The following IGF2R variants were observed in gnomAD, a reference collection of about 807,000 sequenced individuals.
IGF2R encodes insulin like growth factor 2 receptor.
A neutral mutation model predicts 270.6 loss-of-function variants in IGF2R; 91 were observed. The observed-to-expected ratio is 0.34, with a 90% CI of 0.28 to 0.40. The LOEUF (loss-of-function observed/expected upper bound fraction) is 0.40, where lower values mean the gene tolerates loss of function less well. Ranked by LOEUF, IGF2R falls within the 10% of genes least tolerant of loss-of-function variation. The probability of loss-of-function intolerance (pLI) is 1.00; values close to 1 mark genes in which losing one functional copy is unlikely to be tolerated. For synonymous variants in IGF2R, 1,316 were observed against 1,258.9 expected (o/e 1.05, Z -0.96); for missense variants, 2,805 against 3,188.3 (o/e 0.88, Z 2.90).
In IGF2R at chr6:160,109,106, T is replaced by C. The variant is rs1310221035; in HGVS notation, c.*4022T>C. 5 of 152,342 alleles carry C rather than the reference T, an allele frequency of 3.3e-5. No homozygotes were observed. Among genetic ancestry groups the C allele is most frequent in the Admixed American group, 1.3e-4 (2 of 15,296 alleles). The allele number at this position is 152,342 out of a possible 1,614,324, so 9.4% of individuals were successfully genotyped here. On this transcript the variant is annotated 3_prime_UTR_variant, in exon 48 of 48. Coordinates refer to ENST00000356956, the MANE Select transcript of IGF2R (RefSeq NM_000876.4). ...GCAAAACAAATTGAATAAAAAGTAA[T>C]TGATAATGTTGTTTTGATGCTCAGT...
chr6:160,049,506 A>T (rs1352477131), intron 18 of IGF2R, among the ~76,000 whole-genome samples: 1 of 152,196 alleles, frequency 6.6e-6, no homozygotes, highest in African/African-American at 2.4e-5. Context: ...CAAAAGCTCC[A>T]GCCCTGGGGC....
Position 160,032,577 on chromosome 6 carries a change from A to G in IGF2R, c.909A>G (p.Lys303=), listed in dbSNP as rs1332895122. 2 of 1,613,962 alleles carry G rather than the reference A, an allele frequency of 1.2e-6. No individual in the cohort carries two copies. The highest frequency in any genetic ancestry group is 1.7e-6 in the Non-Finnish European group (2 of 1,180,006). Residue 303 remains lysine, a synonymous_variant, in exon 8 of 48, where the codon AAA becomes AAG. Transcript: ENST00000356956. ...REGTIPKLTA[K]SNCRYEIEWI... Reference sequence around the variant, plus strand: ...GCACCATTCCCAAACTCACAGCTAAATCCAACTGCCGCTATGAAATTGAGT... The same window carrying G: ...GCACCATTCCCAAACTCACAGCTAAGTCCAACTGCCGCTATGAAATTGAGT...
chr6:159,973,146 A>G (rs935191347), intron 1 of IGF2R, among the ~76,000 whole-genome samples: 1 of 152,104 alleles, frequency 6.6e-6, no homozygotes, highest in Non-Finnish European at 1.5e-5. Context: ...GCAAGAAGAG[A>G]GGGCATTCAG....
chr6:159,990,669 G>C (rs1455518196), intron 1 of IGF2R, among the ~76,000 whole-genome samples: 1 of 150,678 alleles, frequency 6.6e-6, no homozygotes, highest in Admixed American at 6.6e-5. Flanking sequence ...TCGCACTGTT[G>C]ACCGAGCTGG....
intron 11 of IGF2R, among the ~76,000 whole-genome samples, chr6:160,041,906 G>A (rs1777954827): frequency 1.3e-5 from 2 of 152,162 alleles, no homozygotes; most frequent in Admixed American, 6.5e-5. Flanking sequence ...TGGTGTTGCC[G>A]CATCCAACCA....
chr6:160,076,116 A>G, intron 36 of IGF2R, 120 bp downstream of exon 36: 1 of 967,734 alleles, frequency 1.0e-6, no homozygotes, highest in Non-Finnish European at 1.6e-6. Context: ...TGCCTTGGGT[A>G]AGATGGTACG....
chr6:160,060,221 A>G (rs1271401339), intron 22 of IGF2R, among the ~76,000 whole-genome samples: 1 of 151,510 alleles, frequency 6.6e-6, no homozygotes, highest in Non-Finnish European at 1.5e-5. Context: ...GAGTGTGTAA[A>G]CCTGTCATCA....
At chr6:160,074,751 T>C (rs1178040101) in intron 35 of IGF2R, among the ~76,000 whole-genome samples, 1 of 152,258 alleles carries the variant, frequency 6.6e-6, no homozygotes, top group African/African-American at 2.4e-5. Flanking sequence ...CATATCTAGA[T>C]GTCCTTTAGA....
chr6:160,045,173 C>A (rs1296627685), intron 13 of IGF2R, among the ~76,000 whole-genome samples: 1 of 152,146 alleles, frequency 6.6e-6, no homozygotes. Context: ...TTTTTAGGAA[C>A]TTCCTTGTTG....
intron 16 of IGF2R, among the ~76,000 whole-genome samples, 155 bp downstream of exon 16, chr6:160,047,491 C>T (rs2115248581): frequency 6.6e-6 from 1 of 152,242 alleles, no homozygotes; most frequent in African/African-American, 2.4e-5. Flanking sequence ...GTATTTTAAG[C>T]TGTTTATTTA....
At chr6:160,043,441 C>G (rs546967115) in intron 12 of IGF2R, among the ~76,000 whole-genome samples, 153 bp downstream of exon 12, 6 of 152,306 alleles carry the variant, frequency 3.9e-5, no homozygotes, top group Admixed American at 3.9e-4. Flanking sequence ...ACTCAAATGT[C>G]AGTAATTGCT....
chr6:159,988,560 G>C (rs186564179), intron 1 of IGF2R, among the ~76,000 whole-genome samples: 88 of 150,448 alleles, frequency 5.8e-4, no homozygotes, highest in African/African-American at 2.0e-3. Context: ...TTTTAGGTAC[G>C]TGTGGATCTC....
At chr6:160,072,943 A>G (rs2115275426) in intron 33 of IGF2R, 59 bp downstream of exon 33, 1 of 1,551,058 alleles carries the variant, frequency 6.4e-7, no homozygotes, top group Non-Finnish European at 8.7e-7. Flanking sequence ...GGTTGTCCTC[A>G]GTCTCTTTGC....
intron 16 of IGF2R, among the ~76,000 whole-genome samples, 168 bp downstream of exon 16, chr6:160,047,504 G>T (rs1431773421): frequency 3.3e-5 from 5 of 152,126 alleles, no homozygotes; most frequent in Non-Finnish European, 7.3e-5. Context: ...TTTATTTAGT[G>T]GGTTGTGCAC....
intron 20 of IGF2R, 50 bp downstream of exon 20, chr6:160,056,575 C>T: frequency 8.6e-7 from 1 of 1,168,518 alleles, no homozygotes; most frequent in Non-Finnish European, 1.3e-6. Flanking sequence ...GCTGGACATC[C>T]TCAACTCACC....
At position 160,111,320 on chromosome 6, in the gene IGF2R, G is replaced by T; in HGVS notation, c.*6236G>T. 6.6e-6 allele frequency: 1 copy of T among 152,074 alleles called. No homozygotes were observed. Among genetic ancestry groups the T allele is most frequent in the South Asian group, 2.0e-4 (1 of 4,912 alleles). 9.4% of individuals were successfully genotyped at this position (152,074 alleles called of 1,614,324 possible). On this transcript the variant is annotated 3_prime_UTR_variant, in exon 48 of 48. Transcript: ENST00000356956. ...ACCTCTGGCACCCTTGGCACAGCAA[G>T]ACCAACCCCCCACTTCCTCCTCCTC...
At position 160,097,393 on chromosome 6, in the gene IGF2R, C is replaced by T. The variant is rs146145741; in HGVS notation, c.6842+768C>T. On this transcript the variant is annotated intron_variant, in intron 45 of 47. Coordinates refer to ENST00000356956, the MANE Select transcript of IGF2R (RefSeq NM_000876.4). ...TCACTCAGGCTGGAGTGCAGTGGTGCGGTCTTGGCTCGTTGCAACCTCTGC... is the reference window on the plus strand; with the variant it reads ...TCACTCAGGCTGGAGTGCAGTGGTGTGGTCTTGGCTCGTTGCAACCTCTGC... Among the ~76,000 whole-genome samples the T allele has an allele frequency of 4.5e-3, 680 of 152,248 alleles. 6 individuals are homozygous for T. The highest frequency in any genetic ancestry group is 0.015 in the African/African-American group (629 of 41,540).
At chr6:160,009,849 A>G (rs867697894) in intron 3 of IGF2R, among the ~76,000 whole-genome samples, 1 of 152,228 alleles carries the variant, frequency 6.6e-6, no homozygotes, top group Admixed American at 6.5e-5. Flanking sequence ...TTGCTTTAAA[A>G]TATCATTTTA....
chr6:160,042,731 G>A (rs1049898844), intron 11 of IGF2R, among the ~76,000 whole-genome samples: 1 of 152,188 alleles, frequency 6.6e-6, no homozygotes, highest in Non-Finnish European at 1.5e-5. Flanking sequence ...GCCTTCACAG[G>A]GGCCGAGCGG....
Sources: allele counts gnomAD v4.1 joint callset (sites outside exome capture counted in the v4.1 genomes callset), GRCh38; gene constraint gnomAD v4.1.1; transcripts MANE v1.5; gene names NCBI Gene and HGNC (gene_info 2026-07-23, HGNC 2026-07-21).